Variants in PCDHGB6 observed in about 807,000 individuals in gnomAD.
PCDHGB6 encodes the protein protocadherin gamma-B6.
PCDHGB6 carries 51 observed loss-of-function variants against 59.1 expected under a neutral mutation model. That is an observed-to-expected ratio of 0.86 (90% confidence interval 0.69 to 1.09). PCDHGB6 has a LOEUF of 1.09. Among genes scored for constraint, PCDHGB6 ranks in the 50% least tolerant of loss-of-function variants. The pLI, the probability that PCDHGB6 is intolerant of heterozygous loss-of-function variation, is 0.00. For synonymous variants in PCDHGB6, 466 were observed against 495.1 expected (o/e 0.94, Z 0.78); for missense variants, 1,148 against 1,205.1 (o/e 0.95, Z 0.70).
intron 2 of PCDHGB6, among the ~76,000 whole-genome samples, chr5:141,500,614 C>T (rs1300242596): frequency 1.3e-5 from 2 of 152,204 alleles, no homozygotes; most frequent in African/African-American, 4.8e-5. Context: ...TATTCCCAGT[C>T]ATACGGTACA....
intron 1 of PCDHGB6, chr5:141,420,386 A>G (rs1407565643): frequency 6.2e-6 from 8 of 1,284,798 alleles, no homozygotes; most frequent in Non-Finnish European, 7.2e-6. Context: ...AGTTCGCAAA[A>G]TATAGGTCAA....
chr5:141,490,313 C>G lies in PCDHGB6; in HGVS notation c.2419-4494C>G. The G allele has an allele frequency of 6.2e-7, 1 of 1,614,222 alleles. No individual in the cohort carries two copies. The highest frequency in any genetic ancestry group is 8.5e-7 in the Non-Finnish European group (1 of 1,180,024). Reference sequence around the variant, plus strand: ...GTGCTATTGGCCTCTTTGGCCAACCCTGTCCTAGAGAGCACACCAGTGGGC... The same window carrying G: ...GTGCTATTGGCCTCTTTGGCCAACCGTGTCCTAGAGAGCACACCAGTGGGC... On this transcript the variant is annotated intron_variant, in intron 1 of 3. Transcript: ENST00000520790. The surrounding 1 kb of genome is among the most constrained non-coding windows in gnomAD (Gnocchi z 5.4).
At position 141,409,901 on chromosome 5, in the gene PCDHGB6, C is replaced by G; in HGVS notation, c.1699C>G (p.Leu567Val). 6.2e-7 allele frequency: 1 copy of G among 1,613,264 alleles called. No individual in the cohort carries two copies. The highest frequency in any genetic ancestry group is 8.5e-7 in the Non-Finnish European group (1 of 1,179,712). The change falls in exon 1 of 4, where the codon CTG (leucine) becomes GTG (valine). Residue 567 changes from leucine (L) to valine (V), a missense_variant. Leu to Val is a conservative substitution (Grantham distance 32). This residue lies in a region of PCDHGB6 where 549 missense variants were observed against 527.5 expected (regional missense o/e 1.04). Coordinates refer to ENST00000520790, the MANE Select transcript of PCDHGB6 (RefSeq NM_018926.3). The stretch of plus-strand genomic sequence containing the variant: ...CGCACCGCGGGTGCTGTACCCAGCT[C>G]TGGGTCCTGACGGCTCCGCGTTCTT... Reference protein sequence around the residue: ...DNAPRVLYPALGPDGSAFFDM... With the variant: ...DNAPRVLYPAVGPDGSAFFDM...
intron 1 of PCDHGB6, chr5:141,418,503 T>G (rs2096264259): frequency 6.2e-7 from 1 of 1,613,828 alleles, no homozygotes. Flanking sequence ...CTGACCGCCT[T>G]AGATGGTGGG....
Position 141,511,253 on chromosome 5 carries a change from A to G in PCDHGB6, c.*80A>G. The G allele has an allele frequency of 1.3e-6, 2 of 1,568,402 alleles. No homozygotes were observed. The highest frequency in any genetic ancestry group is 1.7e-6 in the Non-Finnish European group (2 of 1,157,066). On this transcript the variant is annotated 3_prime_UTR_variant, in exon 4 of 4. Coordinates refer to ENST00000520790, the MANE Select transcript of PCDHGB6 (RefSeq NM_018926.3). ...CTCCTTACCTGCACCCAGGCCTCAG[A>G]GTTTCAGGGCTAACCCCCAGAATAC...
At position 141,487,493 on chromosome 5, in the gene PCDHGB6, C is replaced by A. The variant is rs1372433097; in HGVS notation, c.2419-7314C>A. 5.6e-6 allele frequency: 9 copies of A among 1,614,050 alleles called. No individual in the cohort carries two copies. The highest frequency in any genetic ancestry group is 6.8e-6 in the Non-Finnish European group (8 of 1,180,034). On this transcript the variant is annotated intron_variant, in intron 1 of 3. Coordinates refer to ENST00000520790, the MANE Select transcript of PCDHGB6 (RefSeq NM_018926.3). This position sits in a 1 kb window ranked among gnomAD's most constrained non-coding sequence, Gnocchi z 5.0. ...GGGAGGCCACTCTCATGGCTGTACACCCTTGGCTTCTGCACCCACTCGGAG... is the reference window on the plus strand; with the variant it reads ...GGGAGGCCACTCTCATGGCTGTACAACCTTGGCTTCTGCACCCACTCGGAG...
intron 1 of PCDHGB6, among the ~76,000 whole-genome samples, chr5:141,447,413 C>T (rs1279399546): frequency 6.6e-6 from 1 of 152,204 alleles, no homozygotes; most frequent in Non-Finnish European, 1.5e-5. Flanking sequence ...GCTGGGATTA[C>T]AGGCGTGAGC....
chr5:141,465,142 T>TCCCTAA (rs2099097979), intron 1 of PCDHGB6, among the ~76,000 whole-genome samples: 3 of 151,990 alleles, frequency 2.0e-5, no homozygotes, highest in Non-Finnish European at 4.4e-5. Flanking sequence ...GTTTAGGGGA[T>TCCCTAA]ATATGAAGGG....
At chr5:141,428,024 A>G (rs2097101613) in intron 1 of PCDHGB6, 1 of 1,606,106 alleles carries the variant, frequency 6.2e-7, no homozygotes, top group African/African-American at 1.3e-5. Context: ...CACGCGCCGC[A>G]GAGTCCGGCT....
At chr5:141,417,772 C>A (rs2240701) in intron 1 of PCDHGB6, 340,590 of 1,455,726 alleles carry the variant, frequency 0.23, 43,476 homozygotes, top group African/African-American at 0.5. Flanking sequence ...GGGACTCCTC[C>A]TGTCCTGGGC....
In PCDHGB6 at chr5:141,486,403, T is replaced by C; in HGVS notation, c.2419-8404T>C. ...GGAACCAGTTCTCCCTGGTGACTGC[T>C]GGACCCTTGGATCGAGAGGCCAAAT... On this transcript the variant is annotated intron_variant, in intron 1 of 3. Coordinates refer to ENST00000520790, the MANE Select transcript of PCDHGB6 (RefSeq NM_018926.3). This position sits in a 1 kb window ranked among gnomAD's most constrained non-coding sequence, Gnocchi z 5.0. The C allele has an allele frequency of 6.2e-7, 1 of 1,614,212 alleles. No individual in the cohort carries two copies. Among genetic ancestry groups the C allele is most frequent in the Non-Finnish European group, 8.5e-7 (1 of 1,180,034 alleles).
chr5:141,432,506 G>A lies in PCDHGB6; in HGVS notation c.2418+21886G>A. 3 of 1,614,140 alleles carry A rather than the reference G, an allele frequency of 1.9e-6. No homozygotes were observed. Among genetic ancestry groups the A allele is most frequent in the Non-Finnish European group, 2.5e-6 (3 of 1,180,036 alleles). On this transcript the variant is annotated intron_variant, in intron 1 of 3. Transcript: ENST00000520790. This position sits in a 1 kb window ranked among gnomAD's most constrained non-coding sequence, Gnocchi z 6.0. ...CGTGGAGCTGGCTCCCCGCTCCGCA[G>A]AGCCCGGCTACCTGGTGACCAAGGT... is the stretch of plus-strand genomic sequence containing the variant.
chr5:141,432,031 C>T lies in PCDHGB6; in HGVS notation c.2418+21411C>T. The T allele has an allele frequency of 6.2e-7, 1 of 1,614,220 alleles. No individual in the cohort carries two copies. Among genetic ancestry groups the T allele is most frequent in the Non-Finnish European group, 8.5e-7 (1 of 1,180,048 alleles). ...CTAGCTACAACATCACAGTGACCGC[C>T]ACTGACCGGGGAACCCCGCCCCTAT... On this transcript the variant is annotated intron_variant, in intron 1 of 3. Coordinates refer to ENST00000520790, the MANE Select transcript of PCDHGB6 (RefSeq NM_018926.3). This position sits in a 1 kb window ranked among gnomAD's most constrained non-coding sequence, Gnocchi z 6.0.
At chr5:141,421,080 C>CA (rs2096545590) in intron 1 of PCDHGB6, 1 of 638,250 alleles carries the variant, frequency 1.6e-6, no homozygotes, top group East Asian at 2.9e-5. Context: ...GATGGATACT[C>CA]ACAGATCCTG....
At chr5:141,433,377 A>ATCTG (rs1300427377) in intron 1 of PCDHGB6, among the ~76,000 whole-genome samples, 1 of 150,958 alleles carries the variant, frequency 6.6e-6, no homozygotes, top group Non-Finnish European at 1.5e-5. Context: ...CTATCTATCT[A>ATCTG]TCTATCTATC....
chr5:141,491,648 T>C lies in PCDHGB6; in HGVS notation c.2419-3159T>C. ...GTTCAGCAGCCCACAGCTCTGGCGC[T>C]GGAGCCTGACGCCATCCGGTCCCGC... On this transcript the variant is annotated intron_variant, in intron 1 of 3. Transcript: ENST00000520790. The surrounding 1 kb of genome is among the most constrained non-coding windows in gnomAD (Gnocchi z 6.9). 2 of 1,613,834 alleles carry C rather than the reference T, an allele frequency of 1.2e-6. No individual in the cohort carries two copies. Among genetic ancestry groups the C allele is most frequent in the South Asian group, 1.1e-5 (1 of 91,082 alleles).
chr5:141,497,406 C>T lies in PCDHGB6; in HGVS notation c.2477+2541C>T, dbSNP rs892691245. 1.2e-4 allele frequency among the ~76,000 whole-genome samples: 19 copies of T among 152,174 alleles called. No individual in the cohort carries two copies. The East Asian group carries it at 1.5e-3, about 12-fold the overall frequency. ...AGCACCTTACCCCTGCCTCAACTCC[C>T]ATTCCATCAAATGAGAGGCTTAGTG... On this transcript the variant is annotated intron_variant, in intron 2 of 3. Transcript: ENST00000520790.
rs2099427993 is a variant in PCDHGB6, at chr5:141,477,978, T to C, written c.2419-16829T>C. Reference sequence around the variant, plus strand: ...TCCCCTAACCAGAGCCTTTTTGCCATAGGGCTGCACACTGGTCAAATCAGT... The same window carrying C: ...TCCCCTAACCAGAGCCTTTTTGCCACAGGGCTGCACACTGGTCAAATCAGT... On this transcript the variant is annotated intron_variant, in intron 1 of 3. Coordinates refer to ENST00000520790, the MANE Select transcript of PCDHGB6 (RefSeq NM_018926.3). This position sits in a 1 kb window ranked among gnomAD's most constrained non-coding sequence, Gnocchi z 4.9. 6.2e-7 allele frequency: 1 copy of C among 1,614,120 alleles called. No individual in the cohort carries two copies. Among genetic ancestry groups the C allele is most frequent in the Non-Finnish European group, 8.5e-7 (1 of 1,180,022 alleles).
At chr5:141,498,632 A>G (rs2099784830) in intron 2 of PCDHGB6, among the ~76,000 whole-genome samples, 1 of 152,118 alleles carries the variant, frequency 6.6e-6, no homozygotes, top group South Asian at 2.1e-4. Context: ...CACTGCCTAG[A>G]CAGAAGGAAG....
Sources: allele counts gnomAD v4.1 joint callset (sites outside exome capture counted in the v4.1 genomes callset), GRCh38; gene constraint gnomAD v4.1.1; regional missense constraint gnomAD v4.1.1; non-coding constraint Gnocchi (gnomAD v3.1); transcripts MANE v1.5; gene names NCBI Gene and HGNC (gene_info 2026-07-23, HGNC 2026-07-21).